Variants in DOCK6 observed in about 807,000 individuals in gnomAD.
DOCK6 encodes dedicator of cytokinesis 6.
Under a neutral mutation model 230.3 loss-of-function variants are expected in DOCK6, and 167 were observed. That is an observed-to-expected ratio of 0.73 (90% confidence interval 0.64 to 0.82). The LOEUF (loss-of-function observed/expected upper bound fraction) is 0.82, where lower values mean the gene tolerates loss of function less well. Among genes scored for constraint, DOCK6 ranks in the 40% least tolerant of loss-of-function variants. The pLI, the probability that DOCK6 is intolerant of heterozygous loss-of-function variation, is 0.00. For synonymous variants in DOCK6, 1,148 were observed against 1,185.0 expected, an observed-to-expected ratio of 0.97 and a Z score of 0.64; for missense variants, 2,598 against 2,825.8, an observed-to-expected ratio of 0.92 and a Z score of 1.83.
intron 35 of DOCK6, 49 bp from the exon 36 acceptor site, chr19:11,212,200 A>G (rs779482089): frequency 1.5e-5 from 24 of 1,577,352 alleles, no homozygotes; most frequent in Non-Finnish European, 2.1e-5. Context: ...CAGACCCCAG[A>G]CCCCACATCA....
intron 28 of DOCK6, among the ~76,000 whole-genome samples, chr19:11,219,293 C>T (rs1401001919): frequency 1.3e-5 from 2 of 148,264 alleles, no homozygotes; most frequent in African/African-American, 2.5e-5. Flanking sequence ...AAGTGATTCT[C>T]CTGCCTCAGC....
chr19:11,215,572 C>A, intron 31 of DOCK6, 101 bp from the exon 32 acceptor site: 1 of 1,346,654 alleles, frequency 7.4e-7, no homozygotes, highest in Middle Eastern at 1.8e-4. Context: ...GTGGGCTGAC[C>A]CATGAGGGCA....
chr19:11,235,257 C>G (rs979794075), intron 21 of DOCK6, among the ~76,000 whole-genome samples: 1 of 152,162 alleles, frequency 6.6e-6, no homozygotes, highest in Non-Finnish European at 1.5e-5. Flanking sequence ...CAGGCACCTA[C>G]CACCATGCCT....
In DOCK6 at chr19:11,233,344, C is replaced by T. The variant is rs1305483235; in HGVS notation, c.2577G>A (p.Gln859=). ...LPDGAPPVTV[Q]AATLARGSGR... The stretch of plus-strand genomic sequence containing the variant: ...CAGAGCCACGGGCCAGTGTGGCAGC[C>T]TGCACTGTCACTGGAGGGGCCCCTG... The change falls in exon 22 of 48, where the codon CAG becomes CAA. Residue 859 remains glutamine (Q), a synonymous_variant. Transcript: ENST00000294618. 6.2e-7 allele frequency: 1 copy of T among 1,613,666 alleles called. No homozygotes were observed. Among genetic ancestry groups the T allele is most frequent in the African/African-American group, 1.3e-5 (1 of 74,904 alleles).
chr19:11,237,591 G>T (rs2079869431), intron 17 of DOCK6, 34 bp from the exon 18 acceptor site: 1 of 1,609,258 alleles, frequency 6.2e-7, no homozygotes, highest in Non-Finnish European at 8.5e-7. Context: ...TCTGCGGCCA[G>T]GTTGGGGGAC....
At chr19:11,199,614 TTCCTCCTCC>T (rs946424790) in intron 47 of DOCK6, 75 bp from the exon 48 acceptor site, 2 of 1,431,374 alleles carry the variant, frequency 1.4e-6, no homozygotes, top group African/African-American at 2.8e-5. Flanking sequence ...CCACATCCTC[TTCCTCCTCC>T]TCCTCGTCTT....
At chr19:11,244,112 C>A (rs1445968402) in intron 9 of DOCK6, among the ~76,000 whole-genome samples, 1 of 152,180 alleles carries the variant, frequency 6.6e-6, no homozygotes, top group African/African-American at 2.4e-5. Context: ...AACCTCCAAG[C>A]CTACCTTTAG....
At chr19:11,254,967 G>C (rs2080175922) in intron 1 of DOCK6, among the ~76,000 whole-genome samples, 1 of 152,140 alleles carries the variant, frequency 6.6e-6, no homozygotes, top group African/African-American at 2.4e-5. Flanking sequence ...CTAGGGCTGT[G>C]TGTCCCCCAA....
chr19:11,227,622 G>A, intron 23 of DOCK6, 145 bp from the exon 24 acceptor site: 2 of 979,782 alleles, frequency 2.0e-6, no homozygotes, highest in South Asian at 3.3e-5. Context: ...GAGGAGGCTT[G>A]ACAGGAGGGG....
At chr19:11,203,805 C>A (rs2079211018) in intron 41 of DOCK6, 1 of 576,332 alleles carries the variant, frequency 1.7e-6, no homozygotes. Flanking sequence ...CCGCCACCCC[C>A]CTGCAGTGAC....
chr19:11,220,754 C>T (rs1387616803), intron 28 of DOCK6, among the ~76,000 whole-genome samples: 3 of 150,292 alleles, frequency 2.0e-5, no homozygotes, highest in Non-Finnish European at 4.4e-5. Context: ...AGAATTTCAA[C>T]AGGGAATTGG....
intron 18 of DOCK6, 187 bp downstream of exon 18, chr19:11,237,268 TG>T (rs2079863690): frequency 3.1e-6 from 2 of 649,834 alleles, no homozygotes; most frequent in Non-Finnish European, 5.4e-6. Flanking sequence ...AGAGAGGCAA[TG>T]GGAATCTTTG....
intron 28 of DOCK6, among the ~76,000 whole-genome samples, chr19:11,219,452 T>C (rs1375373668): frequency 4.0e-5 from 6 of 151,200 alleles, no homozygotes; most frequent in Non-Finnish European, 8.8e-5. Context: ...CCTCCCAAAG[T>C]GCTGGGACTA....
chr19:11,258,520 C>A (rs57274579), intron 1 of DOCK6, among the ~76,000 whole-genome samples: 11 of 151,458 alleles, frequency 7.3e-5, no homozygotes, highest in African/African-American at 2.2e-4. Context: ...GCAACCTCCA[C>A]GGCCCGGGTT....
rs2079427890 is a variant in DOCK6, at chr19:11,213,425, T to A, written c.4339-97A>T. On this transcript the variant is annotated intron_variant, in intron 34 of 47. Transcript: ENST00000294618. ...TGAGGACTGCTTGGGCAGGGGTTTGTGTTCTGTCCTCTTTGGCCAAGTACC... is the reference window on the plus strand; with the variant it reads ...TGAGGACTGCTTGGGCAGGGGTTTGAGTTCTGTCCTCTTTGGCCAAGTACC... 4 of 1,496,610 alleles carry A rather than the reference T, an allele frequency of 2.7e-6. No homozygotes were observed. The East Asian group carries it at 9.9e-5, about 37-fold the overall frequency. The allele number at this position is 1,496,610 out of a possible 1,614,324, so 92.7% of individuals were successfully genotyped here.
intron 21 of DOCK6, 63 bp from the exon 22 acceptor site, chr19:11,233,429 C>G (rs996548680): frequency 1.9e-6 from 3 of 1,559,100 alleles, no homozygotes; most frequent in Non-Finnish European, 2.6e-6. Flanking sequence ...CCAGTCCCTT[C>G]CTACTCAGCT....
chr19:11,240,078 T>G, intron 14 of DOCK6: 1 of 1,549,730 alleles, frequency 6.5e-7, no homozygotes, highest in Non-Finnish European at 8.7e-7. Context: ...AGGCAAGTCC[T>G]TAGGTACACA....
At chr19:11,228,736 G>A (rs1270187398) in intron 23 of DOCK6, 1 of 451,776 alleles carries the variant, frequency 2.2e-6, no homozygotes, top group Admixed American at 3.5e-5. Flanking sequence ...ATTTTTTTTT[G>A]TATTTTTAGT....
At position 11,235,728 on chromosome 19, in the gene DOCK6, C is replaced by T. The variant is rs1205050853; in HGVS notation, c.2424G>A (p.Met808Ile). Residue 808 changes from methionine (M) to isoleucine (I), a missense_variant, in exon 21 of 48, where the codon ATG becomes ATA. By Grantham distance (10) the Met-to-Ile change is conservative. Transcript: ENST00000294618. ...VNLGRGAFEA[M>I]AHVVSLVHRS... is the part of the protein sequence containing the mutation. Reference sequence around the variant, plus strand: ...GGTGAACAAGGCTGACTACATGGGCCATTGCTTCAAAGGCTCCACGGCCCA... The same window carrying T: ...GGTGAACAAGGCTGACTACATGGGCTATTGCTTCAAAGGCTCCACGGCCCA... 5 of 1,598,262 alleles carry T rather than the reference C, an allele frequency of 3.1e-6. No homozygotes were observed. The highest frequency in any genetic ancestry group is 4.3e-6 in the Non-Finnish European group (5 of 1,172,070).
Sources: gnomAD v4.1 joint callset for allele counts (sites outside exome capture counted in the v4.1 genomes callset) on GRCh38, gnomAD v4.1.1 for gene constraint, MANE v1.5 for transcripts, NCBI Gene and HGNC (gene_info 2026-07-23, HGNC 2026-07-21) for gene names.